Variants in CLNK observed in about 807,000 individuals in gnomAD.
CLNK encodes cytokine dependent hematopoietic cell linker.
CLNK carries 74 observed loss-of-function variants against 68.6 expected under a neutral mutation model. The ratio of observed to expected loss-of-function variants is 1.08; its 90% CI spans 0.89 to 1.31. The LOEUF (loss-of-function observed/expected upper bound fraction) is 1.31, where lower values mean the gene tolerates loss of function less well. Among genes scored for constraint, CLNK ranks in the 50% most tolerant of loss-of-function variants. The pLI, the probability that CLNK is intolerant of heterozygous loss-of-function variation, is 0.00. For synonymous variants in CLNK, 198 were observed against 172.2 expected (o/e 1.15, Z -1.17); for missense variants, 553 against 515.3 (o/e 1.07, Z -0.71).
intron 3 of CLNK, among the ~76,000 whole-genome samples, chr4:10,594,680 G>A (rs1411464891): frequency 2.0e-5 from 3 of 152,188 alleles, no homozygotes. Flanking sequence ...AAACTTGACA[G>A]GAGCAGATTA....
At chr4:10,619,672 T>C (rs116381325) in intron 2 of CLNK, among the ~76,000 whole-genome samples, 1,527 of 152,278 alleles carry the variant, frequency 0.01, 35 homozygotes, top group African/African-American at 0.035. Flanking sequence ...TGGGTTGGAA[T>C]AGATCTCTCT....
intron 16 of CLNK, among the ~76,000 whole-genome samples, chr4:10,510,517 C>G (rs1441290079): frequency 1.3e-5 from 2 of 152,208 alleles, no homozygotes; most frequent in East Asian, 3.8e-4. Flanking sequence ...TCTGAATGGA[C>G]TTCCTCCTCT....
intron 2 of CLNK, among the ~76,000 whole-genome samples, chr4:10,604,568 G>A (rs1400474615): frequency 1.3e-5 from 2 of 151,830 alleles, no homozygotes; most frequent in Non-Finnish European, 2.9e-5. Context: ...GCACAAAAAG[G>A]CTTCTTGTCA....
intron 1 of CLNK, among the ~76,000 whole-genome samples, chr4:10,680,744 A>G (rs1007230108): frequency 6.6e-6 from 1 of 152,172 alleles, no homozygotes; most frequent in Non-Finnish European, 1.5e-5. Context: ...CATTTTATAA[A>G]GGATAAACAG....
intron 8 of CLNK, 119 bp downstream of exon 8, chr4:10,558,288 T>C (rs1719752896): frequency 1.3e-6 from 1 of 782,482 alleles, no homozygotes; most frequent in South Asian, 1.7e-5. Flanking sequence ...TGAAGTGTAA[T>C]TCAATAGATC....
At chr4:10,614,138 A>G (rs1209196447) in intron 2 of CLNK, among the ~76,000 whole-genome samples, 1 of 152,224 alleles carries the variant, frequency 6.6e-6, no homozygotes, top group Non-Finnish European at 1.5e-5. Context: ...CTCAAACTCC[A>G]GTAAATGTAG....
chr4:10,493,355 A>G (rs1716662289), intron 18 of CLNK, among the ~76,000 whole-genome samples: 1 of 152,070 alleles, frequency 6.6e-6, no homozygotes. Flanking sequence ...TAAACCTGGC[A>G]GCTTAGAAAC....
chr4:10,699,512 A>ATTTTT, the CLNK span, among the ~76,000 whole-genome samples: 138 of 32,712 alleles, frequency 4.2e-3, 4 homozygotes, highest in Non-Finnish European at 4.3e-3. Context: ...ATATATATAT[A>ATTTTT]TTTTTTTTTT....
intron 4 of CLNK, among the ~76,000 whole-genome samples, chr4:10,584,599 T>G (rs909171233): frequency 6.6e-6 from 1 of 152,190 alleles, no homozygotes; most frequent in Non-Finnish European, 1.5e-5. Context: ...TGAATACTAG[T>G]GAGTCACCAT....
At chr4:10,668,350 T>G (rs890130610) in intron 1 of CLNK, among the ~76,000 whole-genome samples, 1 of 152,218 alleles carries the variant, frequency 6.6e-6, no homozygotes, top group Non-Finnish European at 1.5e-5. Flanking sequence ...TTACGTAGAA[T>G]GCAACATTTT....
chr4:10,546,902 C>T (rs370922836), intron 8 of CLNK, among the ~76,000 whole-genome samples: 1 of 152,170 alleles, frequency 6.6e-6, no homozygotes, highest in Non-Finnish European at 1.5e-5. Flanking sequence ...GGACTTACTG[C>T]AGAGTCCTGA....
Position 10,507,951 on chromosome 4 carries a change from G to A in CLNK, c.984+8C>T. 2 of 1,596,642 alleles carry A rather than the reference G, an allele frequency of 1.3e-6. No homozygotes were observed. Among genetic ancestry groups the A allele is most frequent in the South Asian group, 1.1e-5 (1 of 88,090 alleles). ...AACAATAATGATGGGCCACGTAGAA[G>A]GCATTACCTTGTTCTCCTTCATGAA... is the stretch of plus-strand genomic sequence containing the variant. On this transcript the variant is annotated splice_region_variant and intron_variant, in intron 17 of 18. Coordinates refer to ENST00000226951, the MANE Select transcript of CLNK (RefSeq NM_052964.4).
intron 2 of CLNK, among the ~76,000 whole-genome samples, chr4:10,616,775 T>C (rs1334662048): frequency 1.8e-5 from 1 of 57,104 alleles, no homozygotes; most frequent in Non-Finnish European, 4.1e-5. Flanking sequence ...TGTGTGTGTA[T>C]ATATGTGTGT....
chr4:10,550,259 C>T (rs1012666588), intron 8 of CLNK, among the ~76,000 whole-genome samples: 2 of 152,068 alleles, frequency 1.3e-5, no homozygotes, highest in Non-Finnish European at 2.9e-5. Flanking sequence ...TTTGGGAGGC[C>T]GAGGCGGGCG....
At chr4:10,701,349 G>C in the CLNK span, among the ~76,000 whole-genome samples, 12 of 152,124 alleles carry the variant, frequency 7.9e-5, no homozygotes, top group Non-Finnish European at 1.8e-4. Context: ...AAACATATGT[G>C]TCCTGACCCC....
the CLNK span, among the ~76,000 whole-genome samples, chr4:10,722,869 G>A: frequency 6.6e-6 from 1 of 152,164 alleles, no homozygotes; most frequent in African/African-American, 2.4e-5. Flanking sequence ...GGCCAGCATG[G>A]CAAAACACCG....
At chr4:10,714,560 A>C in the CLNK span, among the ~76,000 whole-genome samples, 1 of 152,212 alleles carries the variant, frequency 6.6e-6, no homozygotes, top group Non-Finnish European at 1.5e-5. Context: ...ATTAATATGC[A>C]GAAAGTTATT....
chr4:10,706,059 C>G, the CLNK span, among the ~76,000 whole-genome samples: 141,545 of 152,278 alleles, frequency 0.93, 65,986 homozygotes, highest in Non-Finnish European at 0.96. Flanking sequence ...AGAAGAGGAA[C>G]CAGAAACAAG....
Position 10,646,037 on chromosome 4 carries a change from C to G in CLNK, c.11+21822G>C, listed in dbSNP as rs185221930. 7.0e-3 allele frequency among the ~76,000 whole-genome samples: 1,069 copies of G among 152,122 alleles called. 10 individuals carry two copies. The highest frequency in any genetic ancestry group is 0.024 in the African/African-American group (997 of 41,482). On this transcript the variant is annotated intron_variant, in intron 2 of 18. Transcript: ENST00000226951. ...AATATGATTTATATATGGGGGTAAT[C>G]TAACATTATGAATGGAAGAAAGCCT...
Sources: allele counts gnomAD v4.1 joint callset (sites outside exome capture counted in the v4.1 genomes callset), GRCh38; gene constraint gnomAD v4.1.1; transcripts MANE v1.5; gene names NCBI Gene and HGNC (gene_info 2026-07-23, HGNC 2026-07-21).